The following ZDHHC4 variants were observed in gnomAD, a reference collection of about 807,000 sequenced individuals.
ZDHHC4 encodes the protein palmitoyltransferase ZDHHC4.
A neutral mutation model predicts 36.7 loss-of-function variants in ZDHHC4; 42 were observed. The observed-to-expected ratio is 1.14, with a 90% CI of 0.89 to 1.48. The LOEUF (loss-of-function observed/expected upper bound fraction) is 1.48, where lower values mean the gene tolerates loss of function less well. Among genes scored for constraint, ZDHHC4 ranks in the 40% most tolerant of loss-of-function variants. ZDHHC4 has a pLI of 0.00. For missense variants in ZDHHC4, 457 were observed against 421.5 expected, an observed-to-expected ratio of 1.08 and a Z score of -0.74; for synonymous variants, 189 against 166.6, an observed-to-expected ratio of 1.13 and a Z score of -1.03.
Position 6,589,311 on chromosome 7 carries a change from C to A in ZDHHC4, c.*401C>A, listed in dbSNP as rs530191628. The A allele has an allele frequency of 2.5e-5, 5 of 199,364 alleles. No individual in the cohort carries two copies. In the South Asian group the frequency reaches 3.5e-4, roughly 14 times the overall value. The allele number at this position is 199,364 out of a possible 1,614,324, so 12.3% of individuals were successfully genotyped here. ...TCTCTTTTATGCCCCCTCTATTCTC[C>A]TCTCTCCCCCAGGGGATTTTCATCT... On this transcript the variant is annotated 3_prime_UTR_variant, in exon 8 of 8. Transcript: ENST00000335965.
rs1781448330 is a variant in ZDHHC4, at chr7:6,588,727, C to T, written c.852C>T (p.Asn284=). 6.2e-7 allele frequency: 1 copy of T among 1,614,210 alleles called. No individual in the cohort carries two copies. Among genetic ancestry groups the T allele is most frequent in the Non-Finnish European group, 8.5e-7 (1 of 1,180,042 alleles). ...TTGTCCTGTATCTGGCGGCCACCAA[C>T]CAGACTACTAACGAGTGGTACAGAG... The part of the protein sequence containing the change: ...LLFVLYLAAT[N]QTTNEWYRGD... The change falls in exon 8 of 8, where the codon AAC becomes AAT. Residue 284 remains asparagine (N), a synonymous_variant. Coordinates refer to ENST00000335965, the MANE Select transcript of ZDHHC4 (RefSeq NM_001134389.2).
At chr7:6,584,844 G>A in intron 6 of ZDHHC4, 172 bp from the exon 7 acceptor site, 1 of 888,310 alleles carries the variant, frequency 1.1e-6, no homozygotes, top group South Asian at 1.8e-5. Flanking sequence ...ACATTTGGCT[G>A]GTTGCTCCTG....
intron 3 of ZDHHC4, among the ~76,000 whole-genome samples, chr7:6,581,349 C>G (rs1441873725): frequency 2.6e-5 from 4 of 152,212 alleles, no homozygotes; most frequent in Non-Finnish European, 5.9e-5. Context: ...CGACCCATCC[C>G]CTCTGCTCAC....
At chr7:6,588,423 A>G (rs758155532) in intron 7 of ZDHHC4, among the ~76,000 whole-genome samples, 194 bp from the exon 8 acceptor site, 13 of 152,296 alleles carry the variant, frequency 8.5e-5, no homozygotes, top group Admixed American at 2.0e-4. Context: ...TCCCACAGGA[A>G]ACTCTTGTAT....
chr7:6,583,203 A>G, intron 5 of ZDHHC4, 103 bp from the exon 6 acceptor site: 3 of 1,269,166 alleles, frequency 2.4e-6, no homozygotes, highest in Non-Finnish European at 1.1e-6. Flanking sequence ...ATTACTTACG[A>G]TATTAAAGAT....
Position 6,580,718 on chromosome 7 carries a change from G to C in ZDHHC4, c.117+40G>C, listed in dbSNP as rs748130536. On this transcript the variant is annotated intron_variant, in intron 3 of 7. Coordinates refer to ENST00000335965, the MANE Select transcript of ZDHHC4 (RefSeq NM_001134389.2). ...TGGATGGCACTGGAATTTGAATACT[G>C]TGTTAGTCTAAGAGACTCACAGGTT... 8 of 1,586,906 alleles carry C rather than the reference G, an allele frequency of 5.0e-6. No individual in the cohort carries two copies. The African/African-American group carries it at 9.4e-5, about 19-fold the overall frequency.
In ZDHHC4 at chr7:6,588,986, G is replaced by GT; in HGVS notation, c.*79dup. ...GATCCTCGTTTTCCAAGCATGGCTTGTTTGTTTTGATTTCTGCTGTGCTTA... is the reference window on the plus strand; with the variant it reads ...GATCCTCGTTTTCCAAGCATGGCTTGTTTTGTTTTGATTTCTGCTGTGCTTA... On this transcript the variant is annotated 3_prime_UTR_variant, in exon 8 of 8. Coordinates refer to ENST00000335965, the MANE Select transcript of ZDHHC4 (RefSeq NM_001134389.2). 6.5e-7 allele frequency: 1 copy of GT among 1,528,766 alleles called. No individual in the cohort carries two copies. The allele number at this position is 1,528,766 out of a possible 1,614,324, so 94.7% of individuals were successfully genotyped here.
rs572302205 is a variant in ZDHHC4 at position 6,581,836 on chromosome 7, C to T, written c.191+156C>T. 4.6e-5 allele frequency among the ~76,000 whole-genome samples: 7 copies of T among 152,278 alleles called. No homozygotes were observed. In the South Asian group the frequency reaches 1.0e-3, roughly 23 times the overall value. On this transcript the variant is annotated intron_variant, in intron 4 of 7. Transcript: ENST00000335965. ...GAGTCCTGAGTTGGGAGCCTCTACT[C>T]GTAGTTAATCTGCCTTTTGAGATGG... is the stretch of plus-strand genomic sequence containing the variant.
rs1780770333 is a variant in ZDHHC4 at position 6,580,558 on chromosome 7, C to T, written c.-4C>T. On this transcript the variant is annotated 5_prime_UTR_variant, in exon 3 of 8. It introduces an in-frame stop codon into an upstream open reading frame of the 5' UTR. Transcript: ENST00000335965. ...CACTCTTTCTGTTCCTTTGTAGCTG[C>T]AGGATGGACTTTCTGGTCCTCTTCT... The T allele has an allele frequency of 1.2e-5, 19 of 1,613,140 alleles. No individual in the cohort carries two copies. Among genetic ancestry groups the T allele is most frequent in the Non-Finnish European group, 1.5e-5 (18 of 1,179,082 alleles).
rs1394450865 is a variant in ZDHHC4 at position 6,580,556 on chromosome 7, T to G, written c.-6T>G. 1.2e-6 allele frequency: 2 copies of G among 1,613,280 alleles called. No individual in the cohort carries two copies. Among genetic ancestry groups the G allele is most frequent in the Non-Finnish European group, 1.7e-6 (2 of 1,179,172 alleles). On this transcript the variant is annotated splice_region_variant and 5_prime_UTR_variant, in exon 3 of 8. Coordinates refer to ENST00000335965, the MANE Select transcript of ZDHHC4 (RefSeq NM_001134389.2). ...CACACTCTTTCTGTTCCTTTGTAGCTGCAGGATGGACTTTCTGGTCCTCTT... is the reference window on the plus strand; with the variant it reads ...CACACTCTTTCTGTTCCTTTGTAGCGGCAGGATGGACTTTCTGGTCCTCTT...
chr7:6,581,027 A>G, intron 3 of ZDHHC4: 1 of 292,836 alleles, frequency 3.4e-6, no homozygotes, highest in Non-Finnish European at 6.5e-6. Flanking sequence ...TCCTGCTGAA[A>G]GTCCTCTTGC....
rs141196165 is a variant in ZDHHC4 at position 6,588,888 on chromosome 7, A to C, written c.1013A>C (p.His338Pro). The C allele has an allele frequency of 2.5e-6, 4 of 1,607,318 alleles. No homozygotes were observed. Among genetic ancestry groups the C allele is most frequent in the African/African-American group, 1.3e-5 (1 of 74,794 alleles). Residue 338 changes from histidine to proline, a missense_variant, in exon 8 of 8, where the codon CAT becomes CCT. Physicochemically the swap from His to Pro is moderately conservative, Grantham distance 77 (BLOSUM62 -2). Transcript: ENST00000335965. ...QEIFLPAFPCHERKKQE is the reference protein window; with the variant it reads ...QEIFLPAFPCPERKKQE ...ATCTTTCTACCTGCCTTTCCATGTC[A>C]TGAGAGGAAGAAACAAGAATGACAA...
chr7:6,582,506 G>T (rs4075107), intron 5 of ZDHHC4, among the ~76,000 whole-genome samples: 23 of 151,738 alleles, frequency 1.5e-4, no homozygotes, highest in Admixed American at 9.9e-4. Flanking sequence ...GCATGTGATC[G>T]GTATGGTACT....
chr7:6,588,672 T>C lies in ZDHHC4; in HGVS notation c.797T>C (p.Leu266Pro). The change falls in exon 8 of 8, where the codon CTG becomes CCG. Residue 266 changes from leucine to proline, a missense_variant. Physicochemically the swap from Leu to Pro is moderately conservative, Grantham distance 98. Transcript: ENST00000335965. ...IVFMLGFVVV[L>P]SFLLGGYLLF... is the part of the protein sequence containing the mutation. ...TTCATGCTGGGCTTTGTCGTGGTTC[T>C]GAGCTTCCTCCTGGGTGGCTACCTG... The C allele has an allele frequency of 6.2e-7, 1 of 1,614,244 alleles. No individual in the cohort carries two copies. The highest frequency in any genetic ancestry group is 2.2e-5 in the East Asian group (1 of 44,890).
intron 5 of ZDHHC4, among the ~76,000 whole-genome samples, chr7:6,582,962 G>A (rs187088723): frequency 3.2e-4 from 49 of 152,166 alleles, no homozygotes; most frequent in Admixed American, 9.2e-4. Flanking sequence ...CCTGAGGTCC[G>A]GAGTTCCAGA....
chr7:6,586,353 C>T (rs559348272), intron 7 of ZDHHC4, among the ~76,000 whole-genome samples: 12 of 152,280 alleles, frequency 7.9e-5, no homozygotes, highest in African/African-American at 1.9e-4. Context: ...TTCTGTCTTT[C>T]GGGATAGGCC....
At chr7:6,583,685 A>C (rs554381944) in intron 6 of ZDHHC4, 105 of 388,062 alleles carry the variant, frequency 2.7e-4, no homozygotes, top group Non-Finnish European at 4.4e-4. Flanking sequence ...CATGCTCCCC[A>C]CAAGTTGTTT....
intron 1 of ZDHHC4, 127 bp downstream of exon 1, chr7:6,577,625 G>T (rs1227751573): frequency 6.6e-6 from 1 of 152,336 alleles, no homozygotes; most frequent in Non-Finnish European, 1.5e-5. Context: ...CCGAGTCCGG[G>T]GCGGCCCCGG....
chr7:6,583,177 C>CA (rs368971592), intron 5 of ZDHHC4, 129 bp from the exon 6 acceptor site: 52,818 of 835,364 alleles, frequency 0.063, 14 homozygotes, highest in Middle Eastern at 0.071. Flanking sequence ...AAGACTGTCT[C>CA]AAAAAAAAAA....
Sources: allele counts gnomAD v4.1 joint callset (sites outside exome capture counted in the v4.1 genomes callset), GRCh38; gene constraint gnomAD v4.1.1; transcripts MANE v1.5; gene names NCBI Gene and HGNC (gene_info 2026-07-23, HGNC 2026-07-21).